Variants in GPHN observed in about 807,000 individuals in gnomAD.
GPHN encodes gephyrin.
Under a neutral mutation model 95.5 loss-of-function variants are expected in GPHN, and 17 were observed. That is an observed-to-expected ratio of 0.18 (90% confidence interval 0.12 to 0.27). The LOEUF is 0.27. Ranked by LOEUF, GPHN falls within the 10% of genes least tolerant of loss-of-function variation. GPHN has a pLI of 1.00. For missense variants in GPHN, 660 were observed against 978.1 expected (o/e 0.67, Z 4.34); for synonymous variants, 320 against 322.5 (o/e 0.99, Z 0.08).
the GPHN span, among the ~76,000 whole-genome samples, chr14:67,540,171 A>G: frequency 6.6e-6 from 1 of 152,200 alleles, no homozygotes; most frequent in Non-Finnish European, 1.5e-5. Flanking sequence ...AAGAACTCCC[A>G]TATACCCATC....
chr14:67,376,416 T>C, the GPHN span: 6 of 1,567,714 alleles, frequency 3.8e-6, no homozygotes, highest in Non-Finnish European at 5.2e-6. Context: ...TTTGAATTGT[T>C]GAGCTTTTCA....
chr14:67,593,699 C>T, the GPHN span: 2 of 1,174,880 alleles, frequency 1.7e-6, no homozygotes, highest in Non-Finnish European at 1.3e-6. Context: ...GGGCTGGCTA[C>T]CTCCTCCAGA....
At chr14:67,417,858 T>A in the GPHN span, among the ~76,000 whole-genome samples, 1 of 152,106 alleles carries the variant, frequency 6.6e-6, no homozygotes, top group African/African-American at 2.4e-5. Context: ...ATCTTCCCAC[T>A]TCAGATTCTC....
At chr14:67,635,062 T>C in the GPHN span, among the ~76,000 whole-genome samples, 1 of 151,840 alleles carries the variant, frequency 6.6e-6, no homozygotes, top group Admixed American at 6.5e-5. Flanking sequence ...CTCGGTAAAA[T>C]GGCGAAATCT....
At chr14:67,711,535 C>G in the GPHN span, among the ~76,000 whole-genome samples, 2 of 151,932 alleles carry the variant, frequency 1.3e-5, no homozygotes, top group African/African-American at 4.8e-5. Flanking sequence ...TTTCTTTAAG[C>G]CAATTAATTA....
the GPHN span, among the ~76,000 whole-genome samples, chr14:67,410,579 T>C: frequency 1.3e-3 from 205 of 152,280 alleles, no homozygotes; most frequent in African/African-American, 4.7e-3. Context: ...TCTACCCTCC[T>C]TGCTTACTGT....
intron 4 of GPHN, among the ~76,000 whole-genome samples, chr14:66,860,606 G>A (rs1260517242): frequency 6.6e-6 from 1 of 151,964 alleles, no homozygotes; most frequent in Admixed American, 6.6e-5. Flanking sequence ...TTAAGACTGT[G>A]ATTGTGGTGT....
At chr14:67,314,401 A>G in the GPHN span, among the ~76,000 whole-genome samples, 1 of 152,216 alleles carries the variant, frequency 6.6e-6, no homozygotes, top group Non-Finnish European at 1.5e-5. Flanking sequence ...AAAGCTTCAA[A>G]TTTCTCACTT....
chr14:67,033,064 A>G (rs1425802720), intron 10 of GPHN, among the ~76,000 whole-genome samples: 3 of 152,186 alleles, frequency 2.0e-5, no homozygotes, highest in African/African-American at 7.2e-5. Flanking sequence ...TGAAGATTTC[A>G]ACACAAAGTT....
chr14:66,911,130 C>A (rs923184099), intron 5 of GPHN, among the ~76,000 whole-genome samples: 2 of 151,732 alleles, frequency 1.3e-5, no homozygotes, highest in African/African-American at 4.8e-5. Context: ...CATGGATGAA[C>A]CTTGAAAACA....
intron 1 of GPHN, among the ~76,000 whole-genome samples, chr14:66,673,509 C>T (rs1010988837): frequency 3.9e-5 from 6 of 152,190 alleles, no homozygotes; most frequent in Non-Finnish European, 5.9e-5. Flanking sequence ...CTCTCTTCCA[C>T]GCAGTGTATG....
the GPHN span, among the ~76,000 whole-genome samples, chr14:67,362,787 A>G: frequency 6.6e-6 from 1 of 152,242 alleles, no homozygotes. Context: ...TCATTAGGCA[A>G]TATGTTCAAA....
intron 1 of GPHN, among the ~76,000 whole-genome samples, chr14:66,600,630 A>C (rs2062187992): frequency 6.6e-6 from 1 of 152,104 alleles, no homozygotes; most frequent in South Asian, 2.1e-4. Context: ...GCCTGAAGGA[A>C]GCTTTTGTAA....
the GPHN span, among the ~76,000 whole-genome samples, chr14:67,369,101 GT>G: frequency 6.6e-6 from 1 of 152,184 alleles, no homozygotes; most frequent in Non-Finnish European, 1.5e-5. Flanking sequence ...GGCAGAGATT[GT>G]TAGGATGAAT....
chr14:67,312,544 T>C, the GPHN span: 2 of 1,586,282 alleles, frequency 1.3e-6, no homozygotes, highest in East Asian at 4.5e-5. Flanking sequence ...TAAAAGCTCA[T>C]TTTGACTATG....
Position 66,551,504 on chromosome 14 carries a change from TG to T in GPHN, c.64+42914del, listed in dbSNP as rs531704202. On this transcript the variant is annotated intron_variant, in intron 1 of 22. Transcript: ENST00000478722. The stretch of plus-strand genomic sequence containing the variant: ...GATACTGCCTCCTATATCTAAGTCT[TG>T]AGCTAGAAAGTTTGTTGCTCTTCGG... Among the ~76,000 whole-genome samples, 521 of 152,352 alleles carry T rather than the reference TG, an allele frequency of 3.4e-3. 2 individuals are homozygous for T. Among genetic ancestry groups the T allele is most frequent in the Non-Finnish European group, 5.3e-3 (359 of 68,036 alleles).
At chr14:67,320,811 G>A in the GPHN span, among the ~76,000 whole-genome samples, 2 of 152,110 alleles carry the variant, frequency 1.3e-5, no homozygotes, top group Admixed American at 1.3e-4. Context: ...GAAGTAACTT[G>A]AAGTGTAAGC....
the GPHN span, chr14:67,533,656 G>T: frequency 6.6e-6 from 1 of 152,172 alleles, no homozygotes; most frequent in East Asian, 1.9e-4. Flanking sequence ...GGATCGGTCA[G>T]ATCCAGCCGC....
At chr14:67,106,424 C>T (rs11849518) in intron 13 of GPHN, among the ~76,000 whole-genome samples, 23,009 of 151,972 alleles carry the variant, frequency 0.15, 1,992 homozygotes, top group Non-Finnish European at 0.2. Context: ...TCTGAAACTC[C>T]AATAATATGA....
Sources: allele counts gnomAD v4.1 joint callset (sites outside exome capture counted in the v4.1 genomes callset), GRCh38; gene constraint gnomAD v4.1.1; transcripts MANE v1.5; gene names NCBI Gene and HGNC (gene_info 2026-07-23, HGNC 2026-07-21).